CMIP: variants seen among roughly 807,000 people sequenced by gnomAD.
CMIP encodes the protein C-Maf-inducing protein.
Under a neutral mutation model 97.3 loss-of-function variants are expected in CMIP, and 13 were observed. The observed-to-expected ratio is 0.13, with a 90% CI of 0.09 to 0.21. The LOEUF is 0.21. Among genes scored for constraint, CMIP ranks in the 10% least tolerant of loss-of-function variants. The probability of loss-of-function intolerance (pLI) is 1.00; values close to 1 mark genes in which losing one functional copy is unlikely to be tolerated. For synonymous variants in CMIP, 538 were observed against 436.3 expected, an observed-to-expected ratio of 1.23 and a Z score of -2.91; for missense variants, 847 against 1,024.9, an observed-to-expected ratio of 0.83 and a Z score of 2.37.
At chr16:81,481,012 G>A (rs1908227753) in intron 1 of CMIP, among the ~76,000 whole-genome samples, 1 of 152,210 alleles carries the variant, frequency 6.6e-6, no homozygotes, top group Admixed American at 6.5e-5. Flanking sequence ...TGAACTAGTG[G>A]TGGGCCATTG....
chr16:81,684,849 G>T (rs1007439711), intron 10 of CMIP, among the ~76,000 whole-genome samples: 7 of 152,280 alleles, frequency 4.6e-5, no homozygotes, highest in Middle Eastern at 3.4e-3. Context: ...CAGTCAGGTC[G>T]CTCACACCCT....
intron 1 of CMIP, among the ~76,000 whole-genome samples, chr16:81,572,474 T>C (rs1158827866): frequency 1.3e-5 from 2 of 152,246 alleles, no homozygotes; most frequent in African/African-American, 4.8e-5. Flanking sequence ...GCATCTGGCC[T>C]TTAACAGTGA....
chr16:81,445,631 C>G (rs1014638414), intron 1 of CMIP, 90 bp downstream of exon 1: 18 of 1,404,582 alleles, frequency 1.3e-5, no homozygotes, highest in Non-Finnish European at 1.7e-5. Flanking sequence ...CACCTGGAGC[C>G]CAGGGCCTGG....
intron 1 of CMIP, chr16:81,520,231 G>C (rs2089993531): frequency 6.6e-6 from 1 of 152,178 alleles, no homozygotes; most frequent in African/African-American, 2.4e-5. Context: ...TCTGCCTCTT[G>C]CCTGCTGGTG....
At chr16:81,626,932 G>T (rs1194929245) in intron 3 of CMIP, among the ~76,000 whole-genome samples, 1 of 149,698 alleles carries the variant, frequency 6.7e-6, no homozygotes, top group African/African-American at 2.5e-5. Flanking sequence ...GTTTGTGTAT[G>T]TGTGGTGTGT....
At position 81,671,002 on chromosome 16, in the gene CMIP, T is replaced by C. The variant is rs868363029; in HGVS notation, c.929+757T>C. Among the ~76,000 whole-genome samples, 6 of 152,158 alleles carry C rather than the reference T, an allele frequency of 3.9e-5. No individual in the cohort carries two copies. The South Asian group carries it at 1.2e-3, about 32-fold the overall frequency. On this transcript the variant is annotated intron_variant, in intron 8 of 20. Coordinates refer to ENST00000537098, the MANE Select transcript of CMIP (RefSeq NM_198390.3). ...CGTTACGACTCCTGGCTAATTTTTG[T>C]ATTTTTAGTAGAGATGGGGTTTCAA...
intron 1 of CMIP, among the ~76,000 whole-genome samples, chr16:81,513,976 C>G (rs531055863): frequency 2.0e-5 from 3 of 152,192 alleles, no homozygotes; most frequent in African/African-American, 7.2e-5. Context: ...TGTTTTGACC[C>G]CAAAACAGAC....
intron 1 of CMIP, among the ~76,000 whole-genome samples, chr16:81,606,075 C>G (rs934742054): frequency 6.6e-6 from 1 of 152,226 alleles, no homozygotes; most frequent in Non-Finnish European, 1.5e-5. Context: ...AACAGAAGTC[C>G]TCCATCTTTA....
At position 81,627,574 on chromosome 16, in the gene CMIP, C is replaced by T. The variant is rs2092090936; in HGVS notation, c.477+6648C>T. 1.3e-5 allele frequency among the ~76,000 whole-genome samples: 2 copies of T among 152,090 alleles called. No individual in the cohort carries two copies. Among genetic ancestry groups the T allele is most frequent in the Non-Finnish European group, 2.9e-5 (2 of 67,986 alleles). ...AGGGCTAGGGTGGGTGGGAAGCCCG[C>T]CCTCGAGACTGTCTCTGCCCGGCTC... On this transcript the variant is annotated intron_variant, in intron 3 of 20. Coordinates refer to ENST00000537098, the MANE Select transcript of CMIP (RefSeq NM_198390.3). This position sits in a 1 kb window ranked among gnomAD's most constrained non-coding sequence, Gnocchi z 4.6.
At chr16:81,506,291 T>C (rs1307586348) in intron 1 of CMIP, among the ~76,000 whole-genome samples, 5 of 152,096 alleles carry the variant, frequency 3.3e-5, no homozygotes, top group Non-Finnish European at 7.4e-5. Context: ...ACTTACTGAT[T>C]TGGGGTCTGA....
chr16:81,675,946 C>T (rs1297795344), intron 9 of CMIP, among the ~76,000 whole-genome samples: 1 of 152,206 alleles, frequency 6.6e-6, no homozygotes, highest in Non-Finnish European at 1.5e-5. Flanking sequence ...CAGGGTTGTC[C>T]TGGGTTTCAG....
chr16:81,452,885 G>GTTTTTTTTTTT (rs558606255), intron 1 of CMIP, among the ~76,000 whole-genome samples: 63 of 129,208 alleles, frequency 4.9e-4, no homozygotes, highest in African/African-American at 6.7e-4. Flanking sequence ...TTTTTGTTTT[G>GTTTTTTTTTTT]TTTTTTTTTT....
chr16:81,697,538 C>G (rs1906878243), intron 14 of CMIP: 1 of 152,278 alleles, frequency 6.6e-6, no homozygotes, highest in African/African-American at 2.4e-5. Flanking sequence ...AGCTTGTTGA[C>G]CTTGGGCTGG....
At chr16:81,521,651 T>C (rs960550094) in intron 1 of CMIP, among the ~76,000 whole-genome samples, 7 of 152,138 alleles carry the variant, frequency 4.6e-5, no homozygotes, top group Non-Finnish European at 1.5e-5. Context: ...CTGGAGTGAA[T>C]TTTCTTTTCC....
intron 1 of CMIP, among the ~76,000 whole-genome samples, chr16:81,459,520 A>T (rs559941454): frequency 7.2e-5 from 11 of 152,324 alleles, no homozygotes; most frequent in African/African-American, 1.9e-4. Flanking sequence ...TTAAGATATT[A>T]TTGGTGGTTT....
Position 81,663,969 on chromosome 16 carries a change from G to A in CMIP, c.745-300G>A, listed in dbSNP as rs527787364. ...CGTGCCCAGGGTACATTTCAGGGCCGCCTGGAACGCCCCCACCCCATCCTT... is the reference window on the plus strand; with the variant it reads ...CGTGCCCAGGGTACATTTCAGGGCCACCTGGAACGCCCCCACCCCATCCTT... On this transcript the variant is annotated intron_variant, in intron 6 of 20. Transcript: ENST00000537098. Among the ~76,000 whole-genome samples the A allele has an allele frequency of 1.4e-4, 21 of 152,248 alleles. No homozygotes were observed. In the East Asian group the frequency reaches 2.3e-3, roughly 17 times the overall value.
At chr16:81,503,782 G>C (rs1263589177) in intron 1 of CMIP, among the ~76,000 whole-genome samples, 1 of 152,200 alleles carries the variant, frequency 6.6e-6, no homozygotes, top group Non-Finnish European at 1.5e-5. Context: ...CCACTGCCTT[G>C]TTCTGAGGTT....
intron 3 of CMIP, among the ~76,000 whole-genome samples, chr16:81,650,559 C>T (rs1379954249): frequency 6.6e-6 from 1 of 151,916 alleles, no homozygotes; most frequent in Non-Finnish European, 1.5e-5. Context: ...TATCAGAGGC[C>T]CCAGAAAATC....
intron 1 of CMIP, among the ~76,000 whole-genome samples, chr16:81,593,348 G>T (rs369185448): frequency 6.6e-6 from 1 of 152,024 alleles, no homozygotes; most frequent in African/African-American, 2.4e-5. Context: ...TGAGATTGGC[G>T]AGAGGTGGTG....
Sources: allele counts gnomAD v4.1 joint callset (sites outside exome capture counted in the v4.1 genomes callset), GRCh38; gene constraint gnomAD v4.1.1; non-coding constraint Gnocchi (gnomAD v3.1); transcripts MANE v1.5; gene names NCBI Gene and HGNC (gene_info 2026-07-23, HGNC 2026-07-21).